Variants in SLC9C2 observed in about 807,000 individuals in gnomAD.
SLC9C2 encodes the protein solute carrier family 9 member C2 (putative), also known as sodium/hydrogen exchanger 11.
SLC9C2 carries 75 observed loss-of-function variants against 140.2 expected under a neutral mutation model. The observed-to-expected ratio is 0.53, with a 90% CI of 0.44 to 0.65. SLC9C2 has a LOEUF of 0.65. SLC9C2 is among the 30% of genes least tolerant of loss of function. SLC9C2 has a pLI of 0.00. For synonymous variants in SLC9C2, 375 were observed against 420.9 expected, an observed-to-expected ratio of 0.89 and a Z score of 1.34; for missense variants, 1,074 against 1,331.8, an observed-to-expected ratio of 0.81 and a Z score of 3.01.
intron 2 of SLC9C2, among the ~76,000 whole-genome samples, chr1:173,600,450 T>C (rs1666714080): frequency 2.0e-5 from 3 of 151,976 alleles, no homozygotes; most frequent in Admixed American, 2.0e-4. Context: ...ATTTACAAAA[T>C]TACATGAGAT....
In SLC9C2 at chr1:173,564,433, C is replaced by G. The variant is rs4916371; in HGVS notation, c.1047-6925G>C. Among the ~76,000 whole-genome samples, 437 of 152,014 alleles carry G rather than the reference C, an allele frequency of 2.9e-3. 3 individuals carry two copies. Among genetic ancestry groups the G allele is most frequent in the African/African-American group, 9.8e-3 (405 of 41,460 alleles). Reference sequence around the variant, plus strand: ...GATGATATCTTACTGTAGTTTTGAGCTGCATTTCCCTGATGATCAATGACG... The same window carrying G: ...GATGATATCTTACTGTAGTTTTGAGGTGCATTTCCCTGATGATCAATGACG... On this transcript the variant is annotated intron_variant, in intron 9 of 27. Transcript: ENST00000367714.
chr1:173,583,435 A>T, intron 6 of SLC9C2, 71 bp downstream of exon 6: 1 of 891,624 alleles, frequency 1.1e-6, no homozygotes, highest in Non-Finnish European at 1.8e-6. Flanking sequence ...CAGCAAAGTT[A>T]AAACATTTGA....
intron 23 of SLC9C2, among the ~76,000 whole-genome samples, chr1:173,510,247 C>T (rs538544600): frequency 6.6e-6 from 1 of 152,300 alleles, no homozygotes; most frequent in South Asian, 2.1e-4. Context: ...ACCCCTAAGA[C>T]TCTGGATCCT....
intron 8 of SLC9C2, among the ~76,000 whole-genome samples, chr1:173,575,873 C>A (rs570340315): frequency 1.3e-5 from 2 of 152,108 alleles, no homozygotes; most frequent in South Asian, 4.2e-4. Context: ...CCACCGTGCC[C>A]GGCCGCCCAT....
At chr1:173,516,163 C>A (rs574430520) in intron 23 of SLC9C2, among the ~76,000 whole-genome samples, 5 of 152,332 alleles carry the variant, frequency 3.3e-5, no homozygotes, top group African/African-American at 4.8e-5. Flanking sequence ...GAGCAGGACC[C>A]ATTTAACGAA....
intron 2 of SLC9C2, 129 bp downstream of exon 2, chr1:173,601,521 C>A: frequency 2.1e-6 from 2 of 964,684 alleles, no homozygotes; most frequent in South Asian, 1.7e-5. Flanking sequence ...GCGAGATTGA[C>A]AGTATTCACT....
At chr1:173,511,029 C>CTTTTTTTTTTTTTTTTTTTTTTTTTTTT (rs71111066) in intron 23 of SLC9C2, among the ~76,000 whole-genome samples, 1 of 86,738 alleles carries the variant, frequency 1.2e-5, no homozygotes, top group Non-Finnish European at 2.0e-5. Context: ...CTTTCTTTTC[C>CTTTTTTTTTTTTTTTTTTTTTTTTTTTT]TTTTTTTTTT....
intron 23 of SLC9C2, among the ~76,000 whole-genome samples, chr1:173,511,009 AT>A (rs1219098585): frequency 2.4e-5 from 2 of 84,888 alleles, no homozygotes; most frequent in Non-Finnish European, 4.8e-5. Flanking sequence ...TGTTTCCTGG[AT>A]TTTTTTTCCT....
intron 19 of SLC9C2, among the ~76,000 whole-genome samples, chr1:173,525,744 G>A (rs1199653296): frequency 6.6e-6 from 1 of 152,218 alleles, no homozygotes; most frequent in Non-Finnish European, 1.5e-5. Flanking sequence ...CTGCCTTTTA[G>A]AGTAGTGAAT....
In SLC9C2 at chr1:173,524,043, G is replaced by A. The variant is rs551848802; in HGVS notation, c.2566C>T (p.Pro856Ser). 1.7e-4 allele frequency: 270 copies of A among 1,613,566 alleles called. No homozygotes were observed. In the South Asian group the frequency reaches 2.8e-3, roughly 17 times the overall value. ...ALNNFPKAIP[P>S]PTPDIYLHNI... ...TGAAGGTATATGTCAGGAGTTGGGG[G>A]TGGGATTGCCTTTGGAAAGTTATTT... Residue 856 changes from proline (P) to serine (S), a missense_variant, in exon 21 of 28, where the codon CCC becomes TCC. By Grantham distance (74) the Pro-to-Ser change is moderately conservative. Transcript: ENST00000367714.
At chr1:173,602,254 G>A (rs922787622) in intron 1 of SLC9C2, among the ~76,000 whole-genome samples, 1 of 152,120 alleles carries the variant, frequency 6.6e-6, no homozygotes, top group Non-Finnish European at 1.5e-5. Flanking sequence ...ATTTGAGGGG[G>A]AAGGAGCATG....
chr1:173,526,789 T>G, intron 18 of SLC9C2, 75 bp from the exon 19 acceptor site: 1 of 1,008,200 alleles, frequency 9.9e-7, no homozygotes, highest in Non-Finnish European at 1.5e-6. Context: ...AAAACATGCA[T>G]TTCTTCTTAT....
At chr1:173,544,265 C>T (rs572550611) in intron 13 of SLC9C2, among the ~76,000 whole-genome samples, 1 of 152,208 alleles carries the variant, frequency 6.6e-6, no homozygotes, top group Non-Finnish European at 1.5e-5. Flanking sequence ...AAATGCTCAT[C>T]ATCATTGGTC....
rs766320835 is a variant in SLC9C2, at chr1:173,503,303, G to A, written c.3334C>T (p.Gln1112Ter). The A allele has an allele frequency of 2.5e-6, 4 of 1,613,724 alleles. No individual in the cohort carries two copies. The highest frequency in any genetic ancestry group is 2.5e-6 in the Non-Finnish European group (3 of 1,179,838). Residue 1112 changes from glutamine (Q) to a stop codon, truncating the protein, a stop_gained, in exon 27 of 28, where the codon CAA becomes TAA. Coordinates refer to ENST00000367714, the MANE Select transcript of SLC9C2 (RefSeq NM_178527.4). LOFTEE classifies it low-confidence loss of function (END_TRUNC). ...VMASVNTVFE[Q>*]PGKNINGRQK... ...CTTCCATTTATATTCTTTCCTGGTTGTTCAAAGACCGTGTTGACTGAGGCT... is the reference window on the plus strand; with the variant it reads ...CTTCCATTTATATTCTTTCCTGGTTATTCAAAGACCGTGTTGACTGAGGCT...
At chr1:173,521,165 A>T in intron 22 of SLC9C2, 136 bp downstream of exon 22, 1 of 463,038 alleles carries the variant, frequency 2.2e-6, no homozygotes, top group East Asian at 3.8e-5. Flanking sequence ...CTCAGCTGTC[A>T]TGCTCAGAGT....
intron 18 of SLC9C2, 90 bp downstream of exon 18, chr1:173,529,815 G>C: frequency 7.0e-7 from 1 of 1,421,918 alleles, no homozygotes; most frequent in Non-Finnish European, 9.5e-7. Flanking sequence ...GAATTTGTCT[G>C]TTTCGTCAAA....
chr1:173,537,046 A>G lies in SLC9C2; in HGVS notation c.1558-7T>C. ...GCTGTTTTTCAAAGCTACTCTAAAC[A>G]TACATTAAATGAAGATTACAAAAGA... On this transcript the variant is annotated splice_region_variant and splice_polypyrimidine_tract_variant and intron_variant, in intron 13 of 27. Transcript: ENST00000367714. The G allele has an allele frequency of 6.2e-7, 1 of 1,601,760 alleles. No homozygotes were observed. Among genetic ancestry groups the G allele is most frequent in the Non-Finnish European group, 8.6e-7 (1 of 1,169,350 alleles).
chr1:173,538,705 G>C (rs1396884744), intron 13 of SLC9C2, among the ~76,000 whole-genome samples: 1 of 152,084 alleles, frequency 6.6e-6, no homozygotes, highest in African/African-American at 2.4e-5. Context: ...AATGGTCGTG[G>C]GGCGAGCAGA....
At chr1:173,565,425 T>C (rs889279754) in intron 9 of SLC9C2, among the ~76,000 whole-genome samples, 1 of 152,222 alleles carries the variant, frequency 6.6e-6, no homozygotes, top group Non-Finnish European at 1.5e-5. Context: ...CTTTCACTTA[T>C]GGATATCCAG....
Sources: allele counts gnomAD v4.1 joint callset (sites outside exome capture counted in the v4.1 genomes callset), GRCh38; gene constraint gnomAD v4.1.1; transcripts MANE v1.5; gene names NCBI Gene and HGNC (gene_info 2026-07-23, HGNC 2026-07-21).